Variants in RGS18 observed in about 807,000 individuals in gnomAD.
RGS18 encodes the protein regulator of G-protein signaling 18.
RGS18 carries 22 observed loss-of-function variants against 27.6 expected under a neutral mutation model. That is an observed-to-expected ratio of 0.80 (90% confidence interval 0.57 to 1.14). The LOEUF (loss-of-function observed/expected upper bound fraction) is 1.14, where lower values mean the gene tolerates loss of function less well. RGS18 is among the 50% of genes most tolerant of loss of function. The pLI, the probability that RGS18 is intolerant of heterozygous loss-of-function variation, is 0.00. For synonymous variants in RGS18, 89 were observed against 84.6 expected (o/e 1.05, Z -0.29); for missense variants, 299 against 269.6 (o/e 1.11, Z -0.76).
At chr1:192,160,503 A>G in intron 3 of RGS18, 64 bp downstream of exon 3, 1 of 1,200,772 alleles carries the variant, frequency 8.3e-7, no homozygotes, top group South Asian at 1.3e-5. Flanking sequence ...CTATGCATGT[A>G]ATTATCCGAA....
chr1:192,166,520 T>C (rs1347187578), intron 3 of RGS18, among the ~76,000 whole-genome samples: 1 of 151,998 alleles, frequency 6.6e-6, no homozygotes, highest in Non-Finnish European at 1.5e-5. Flanking sequence ...ATTCCATGCA[T>C]GTAATATAGA....
chr1:192,165,051 G>A (rs1282656793), intron 3 of RGS18, among the ~76,000 whole-genome samples: 1 of 152,086 alleles, frequency 6.6e-6, no homozygotes, highest in Non-Finnish European at 1.5e-5. Context: ...GCCGAAAATG[G>A]GTAAGAGAAA....
Position 192,158,768 on chromosome 1 carries a change from C to A in RGS18, c.119+12C>A. ...GAAGCCAAAATCAGGTAAAATTGTACAATTTTAAGTCAGCCTTATACTTTT... is the reference window on the plus strand; with the variant it reads ...GAAGCCAAAATCAGGTAAAATTGTAAAATTTTAAGTCAGCCTTATACTTTT... On this transcript the variant is annotated intron_variant, in intron 1 of 4. Coordinates refer to ENST00000367460, the MANE Select transcript of RGS18 (RefSeq NM_130782.3). The A allele has an allele frequency of 2.0e-6, 3 of 1,499,762 alleles. No homozygotes were observed. Among genetic ancestry groups the A allele is most frequent in the Non-Finnish European group, 2.7e-6 (3 of 1,103,406 alleles). 92.9% of individuals were successfully genotyped at this position (1,499,762 alleles called of 1,614,324 possible). A position where few individuals can be genotyped will look rare whatever the true frequency, so the allele number is the denominator to read the frequency against.
intron 3 of RGS18, among the ~76,000 whole-genome samples, chr1:192,174,803 G>A (rs1276609037): frequency 6.6e-6 from 1 of 151,664 alleles, no homozygotes; most frequent in African/African-American, 2.4e-5. Flanking sequence ...TGTGTCTCTT[G>A]TTGCCAATAT....
At chr1:192,177,229 T>A (rs1557938113) in intron 3 of RGS18, among the ~76,000 whole-genome samples, 1 of 151,732 alleles carries the variant, frequency 6.6e-6, no homozygotes, top group African/African-American at 2.4e-5. Flanking sequence ...TACATATTTT[T>A]GTCCATATTC....
intron 3 of RGS18, chr1:192,168,378 A>G (rs543344902): frequency 2.0e-5 from 3 of 152,336 alleles, no homozygotes; most frequent in African/African-American, 7.2e-5. Flanking sequence ...TTATGCCAAC[A>G]AAATCCATTC....
Position 192,175,408 on chromosome 1 carries a change from T to C in RGS18, c.284-5884T>C, listed in dbSNP as rs145810262. Among the ~76,000 whole-genome samples, 140 of 152,028 alleles carry C rather than the reference T, an allele frequency of 9.2e-4. 1 individual carries two copies. The highest frequency in any genetic ancestry group is 3.3e-3 in the African/African-American group (137 of 41,508). On this transcript the variant is annotated intron_variant, in intron 3 of 4. Transcript: ENST00000367460. ...CCCTTATAGAGTATTGAATCATTTT[T>C]CTGGAAGTGAATTAAATCACTGTTG...
In RGS18 at chr1:192,184,483, A is replaced by G. The variant is rs1656510924; in HGVS notation, c.637A>G (p.Arg213Gly). 1 of 1,611,662 alleles carries G rather than the reference A, an allele frequency of 6.2e-7. No individual in the cohort carries two copies. Among genetic ancestry groups the G allele is most frequent in the Non-Finnish European group, 8.5e-7 (1 of 1,178,436 alleles). ...AAGACCTCAGAGACCAACAAATCTT[A>G]GGAGACGATCACGCTCATTTACCTG... ...EGRPQRPTNL[R>G]RRSRSFTCNE... is the part of the protein sequence containing the mutation. Residue 213 changes from arginine to glycine, a missense_variant, in exon 5 of 5, where the codon AGG becomes GGG. Physicochemically the swap from Arg to Gly is moderately radical, Grantham distance 125. Coordinates refer to ENST00000367460, the MANE Select transcript of RGS18 (RefSeq NM_130782.3).
At position 192,184,004 on chromosome 1, in the gene RGS18, C is replaced by A. The variant is rs916694345; in HGVS notation, c.451-293C>A. Among the ~76,000 whole-genome samples, 10 of 151,654 alleles carry A rather than the reference C, an allele frequency of 6.6e-5. No individual in the cohort carries two copies. The South Asian group carries it at 1.7e-3, about 25-fold the overall frequency. ...GAGTGAGGTGTCACACACTTTTAAA[C>A]AGCCAGATCTTGCCAGAAGCCACTC... On this transcript the variant is annotated intron_variant, in intron 4 of 4. Transcript: ENST00000367460.
chr1:192,165,281 C>A (rs1288583030), intron 3 of RGS18, among the ~76,000 whole-genome samples: 1 of 152,174 alleles, frequency 6.6e-6, no homozygotes, highest in Non-Finnish European at 1.5e-5. Context: ...TGGTACTCTG[C>A]TCTTGAACCC....
chr1:192,159,295 A>G lies in RGS18; in HGVS notation c.195A>G (p.Arg65=), dbSNP rs750973689. 3.7e-6 allele frequency: 6 copies of G among 1,612,900 alleles called. No individual in the cohort carries two copies. The highest frequency in any genetic ancestry group is 5.1e-6 in the Non-Finnish European group (6 of 1,179,028). Residue 65 remains arginine, a synonymous_variant, in exon 2 of 5, where the codon AGA becomes AGG. Transcript: ENST00000367460. ...PEFHEDTRSS[R]SGHLAKETRV... ...TTCATGAAGACACCCGCTCCAGTAG[A>G]TCTGGGCACTTGGCCAAAGAAACAA...
chr1:192,167,394 C>T (rs1437091039), intron 3 of RGS18, among the ~76,000 whole-genome samples: 1 of 151,860 alleles, frequency 6.6e-6, no homozygotes, highest in Non-Finnish European at 1.5e-5. Flanking sequence ...ATTTCCAACT[C>T]AAGCTAACCC....
chr1:192,169,573 C>T (rs1656221021), intron 3 of RGS18: 2 of 152,232 alleles, frequency 1.3e-5, no homozygotes, highest in South Asian at 4.1e-4. Flanking sequence ...CATAGACAAA[C>T]AGATCAATAA....
chr1:192,160,495 A>G (rs1433379044), intron 3 of RGS18, 56 bp downstream of exon 3: 1 of 1,252,876 alleles, frequency 8.0e-7, no homozygotes, highest in African/African-American at 1.5e-5. Flanking sequence ...TACACAAACT[A>G]TGCATGTAAT....
chr1:192,165,462 A>G (rs1373145728), intron 3 of RGS18, among the ~76,000 whole-genome samples: 1 of 151,294 alleles, frequency 6.6e-6, no homozygotes, highest in Non-Finnish European at 1.5e-5. Flanking sequence ...GTGTTCGTAC[A>G]CTCCCTCCCC....
intron 3 of RGS18, chr1:192,161,451 A>G (rs1656070914): frequency 6.6e-6 from 1 of 152,174 alleles, no homozygotes; most frequent in Admixed American, 6.5e-5. Flanking sequence ...GCTTTCTTTC[A>G]GATAGAAAGA....
At chr1:192,176,043 G>C (rs1357857942) in intron 3 of RGS18, among the ~76,000 whole-genome samples, 1 of 151,768 alleles carries the variant, frequency 6.6e-6, no homozygotes, top group Non-Finnish European at 1.5e-5. Flanking sequence ...AGCCTGTCCT[G>C]GTTTTTATGT....
At chr1:192,169,169 A>C (rs1280203903) in intron 3 of RGS18, 1 of 152,322 alleles carries the variant, frequency 6.6e-6, no homozygotes, top group Non-Finnish European at 1.5e-5. Flanking sequence ...CAGTACAAAA[A>C]ATTTATTATA....
intron 1 of RGS18, among the ~76,000 whole-genome samples, chr1:192,158,974 A>G (rs1284813255): frequency 6.6e-6 from 1 of 152,228 alleles, no homozygotes; most frequent in Non-Finnish European, 1.5e-5. Context: ...TGTTAGCCAC[A>G]TAGAGGAACT....
Sources: allele counts gnomAD v4.1 joint callset (sites outside exome capture counted in the v4.1 genomes callset), GRCh38; gene constraint gnomAD v4.1.1; transcripts MANE v1.5; gene names NCBI Gene and HGNC (gene_info 2026-07-23, HGNC 2026-07-21).